Variants in PHACTR2 observed in about 807,000 individuals in gnomAD.
The protein encoded by PHACTR2 is phosphatase and actin regulator 2.
Under a neutral mutation model 76.0 loss-of-function variants are expected in PHACTR2, and 30 were observed. That is an observed-to-expected ratio of 0.39 (90% confidence interval 0.30 to 0.54). PHACTR2 has a LOEUF of 0.54. Ranked by LOEUF, PHACTR2 falls within the 20% of genes least tolerant of loss-of-function variation. The pLI, the probability that PHACTR2 is intolerant of heterozygous loss-of-function variation, is 0.61. For synonymous variants in PHACTR2, 292 were observed against 292.5 expected (o/e 1.00, Z 0.02); for missense variants, 696 against 781.1 (o/e 0.89, Z 1.30).
Position 143,664,544 on chromosome 6 carries a change from A to T in PHACTR2, c.14-47472A>T, listed in dbSNP as rs541359891. ...CCCCTTCTTTTGTTTAGTGATTTGG[A>T]AGCTTATAGTTATATCTTTCTTACT... On this transcript the variant is annotated intron_variant, in intron 1 of 11. Coordinates refer to the PHACTR2 transcript ENST00000305766. The surrounding 1 kb of genome is among the most constrained non-coding windows in gnomAD (Gnocchi z 5.1). Among the ~76,000 whole-genome samples the T allele has an allele frequency of 3.0e-4, 45 of 152,076 alleles. No homozygotes were observed. Among genetic ancestry groups the T allele is most frequent in the African/African-American group, 9.6e-4 (40 of 41,484 alleles).
chr6:143,614,670 G>A (rs954349), intron 1 of PHACTR2, among the ~76,000 whole-genome samples: 85,380 of 151,996 alleles, frequency 0.56, 25,703 homozygotes, highest in Middle Eastern at 0.71. Flanking sequence ...TTCCATAAGT[G>A]TCAGTGCTTG....
intron 1 of PHACTR2, among the ~76,000 whole-genome samples, chr6:143,600,048 T>G (rs1020104964): frequency 6.6e-6 from 1 of 152,256 alleles, no homozygotes; most frequent in Non-Finnish European, 1.5e-5. Flanking sequence ...GTCTGACCCT[T>G]TCTTAAAGTC....
In PHACTR2 at chr6:143,557,435, C is replaced by T. The variant is rs1231697459; in HGVS notation, c.217+20228C>T. 1 of 152,240 alleles carries T rather than the reference C, an allele frequency of 6.6e-6. No homozygotes were observed. The highest frequency in any genetic ancestry group is 2.4e-5 in the African/African-American group (1 of 41,404). The allele number at this position is 152,240 out of a possible 1,614,324, so 9.4% of individuals were successfully genotyped here. A position where few individuals can be genotyped will look rare whatever the true frequency, so the allele number is the denominator to read the frequency against. On this transcript the variant is annotated intron_variant, in intron 1 of 11. Transcript: ENST00000367584. The surrounding 1 kb of genome is among the most constrained non-coding windows in gnomAD (Gnocchi z 5.5). ...CTGCCGTAACCCCATTCGTTGCACT[C>T]CCACATTTGCTGGAACTGGAGCTTT...
chr6:143,608,021 AT>A (rs898668880), upstream of PHACTR2, among the ~76,000 whole-genome samples: 18 of 152,122 alleles, frequency 1.2e-4, no homozygotes, highest in South Asian at 2.1e-4. This position sits in a 1 kb window ranked among gnomAD's most constrained non-coding sequence, Gnocchi z 4.6. Flanking sequence ...CATTGCAGTG[AT>A]TTTTTTCCCC....
At chr6:143,677,498 G>A (rs752492165), upstream of PHACTR2, among the ~76,000 whole-genome samples, 2 of 152,068 alleles carry the variant, frequency 1.3e-5, no homozygotes, top group Admixed American at 6.6e-5. Context: ...GATCTCACAC[G>A]TAGACCTACC....
intron 1 of PHACTR2, among the ~76,000 whole-genome samples, chr6:143,542,985 G>C (rs749997635): frequency 6.6e-6 from 1 of 152,220 alleles, no homozygotes; most frequent in African/African-American, 2.4e-5. Context: ...TATGTGCCAG[G>C]TACTGTTCCA....
rs924892757 is a variant in PHACTR2 at position 143,554,718 on chromosome 6, A to G, written c.217+17511A>G. 1 of 152,210 alleles carries G rather than the reference A, an allele frequency of 6.6e-6. No homozygotes were observed. The highest frequency in any genetic ancestry group is 6.5e-5 in the Admixed American group (1 of 15,278). 9.4% of individuals were successfully genotyped at this position (152,210 alleles called of 1,614,324 possible). On this transcript the variant is annotated intron_variant, in intron 1 of 11. Coordinates refer to the PHACTR2 transcript ENST00000367584. The surrounding 1 kb of genome is among the most constrained non-coding windows in gnomAD (Gnocchi z 5.9). Reference sequence around the variant, plus strand: ...TGGGCCTAGAAGATCCAGGAGCCTGACTAAAGCTTGGTCACTCAAATAATC... The same window carrying G: ...TGGGCCTAGAAGATCCAGGAGCCTGGCTAAAGCTTGGTCACTCAAATAATC...
intron 4 of PHACTR2, among the ~76,000 whole-genome samples, chr6:143,758,085 A>G (rs1293460764): frequency 6.6e-6 from 1 of 152,214 alleles, no homozygotes; most frequent in Non-Finnish European, 1.5e-5. Flanking sequence ...GAGCCAGGAG[A>G]AAGTCTGTTT....
In PHACTR2 at chr6:143,801,820, C is replaced by T. The variant is rs1775961564; in HGVS notation, c.1846-5237C>T. ...TTTCAGCCTTTCTGCCTTGGTTTCT[C>T]CCCATCTTTGTGGTTTTATTTACCT... On this transcript the variant is annotated intron_variant, in intron 11 of 12. Transcript: ENST00000440869. The surrounding 1 kb of genome is among the most constrained non-coding windows in gnomAD (Gnocchi z 4.6). Among the ~76,000 whole-genome samples, 1 of 152,172 alleles carries T rather than the reference C, an allele frequency of 6.6e-6. No individual in the cohort carries two copies. The highest frequency in any genetic ancestry group is 6.6e-5 in the Admixed American group (1 of 15,264).
At chr6:143,568,606 C>A (rs1173824826) in intron 1 of PHACTR2, among the ~76,000 whole-genome samples, 1 of 152,182 alleles carries the variant, frequency 6.6e-6, no homozygotes, top group African/African-American at 2.4e-5. Flanking sequence ...AGAAAGCAAT[C>A]AGTAATGGAA....
At position 143,827,841 on chromosome 6, in the gene PHACTR2, A is replaced by C. The variant is rs1285390999; in HGVS notation, c.*4152A>C. On this transcript the variant is annotated 3_prime_UTR_variant, in exon 13 of 13. Coordinates refer to ENST00000440869, the MANE Select transcript of PHACTR2 (RefSeq NM_001100164.2). The stretch of plus-strand genomic sequence containing the variant: ...GGACAAAGCAGAATGAACTTATATA[A>C]CTAAAATATGTCCTATATTGGCTGG... 6.6e-6 allele frequency: 1 copy of C among 152,116 alleles called. No individual in the cohort carries two copies. The highest frequency in any genetic ancestry group is 2.4e-5 in the African/African-American group (1 of 41,420). The allele number at this position is 152,116 out of a possible 1,614,324, so 9.4% of individuals were successfully genotyped here. A position where few individuals can be genotyped will look rare whatever the true frequency, so the allele number is the denominator to read the frequency against.
upstream of PHACTR2, among the ~76,000 whole-genome samples, chr6:143,604,722 A>G (rs1027782657): frequency 1.3e-5 from 2 of 151,978 alleles, no homozygotes; most frequent in Admixed American, 6.5e-5. Context: ...CTCTACTGAA[A>G]ATACAAAAAT....
At chr6:143,718,703 A>G (rs1043955470) in intron 2 of PHACTR2, among the ~76,000 whole-genome samples, 2 of 152,208 alleles carry the variant, frequency 1.3e-5, no homozygotes, top group Admixed American at 6.5e-5. Context: ...TCTTGTAACC[A>G]TAGAGACCTA....
In PHACTR2 at chr6:143,664,869, G is replaced by A. The variant is rs1175640574; in HGVS notation, c.14-47147G>A. Among the ~76,000 whole-genome samples, 1 of 152,174 alleles carries A rather than the reference G, an allele frequency of 6.6e-6. No homozygotes were observed. Among genetic ancestry groups the A allele is most frequent in the East Asian group, 1.9e-4 (1 of 5,180 alleles). On this transcript the variant is annotated intron_variant, in intron 1 of 11. Transcript: ENST00000305766. This position sits in a 1 kb window ranked among gnomAD's most constrained non-coding sequence, Gnocchi z 5.1. ...GCTGGAGTGCAGTGGTGCAATCTCGGTTCACTGCAACCTCTGCCTCCCTGG... is the reference window on the plus strand; with the variant it reads ...GCTGGAGTGCAGTGGTGCAATCTCGATTCACTGCAACCTCTGCCTCCCTGG...
chr6:143,690,513 G>A (rs1375643316), intron 1 of PHACTR2, among the ~76,000 whole-genome samples: 2 of 152,164 alleles, frequency 1.3e-5, no homozygotes, highest in African/African-American at 4.8e-5. Context: ...ATTAGAACGT[G>A]GCTTTATTCT....
In PHACTR2 at chr6:143,782,925, G is replaced by GT. The variant is rs958480619; in HGVS notation, c.1646-287dup. ...TCATTAGAATATGGGCACTCCTGTG[G>GT]TTTTTTTAAGAATACAACAAGACAT... On this transcript the variant is annotated intron_variant, in intron 9 of 12. Coordinates refer to ENST00000440869, the MANE Select transcript of PHACTR2 (RefSeq NM_001100164.2). This position sits in a 1 kb window ranked among gnomAD's most constrained non-coding sequence, Gnocchi z 4.6. Among the ~76,000 whole-genome samples, 10 of 151,360 alleles carry GT rather than the reference G, an allele frequency of 6.6e-5. No homozygotes were observed. Among genetic ancestry groups the GT allele is most frequent in the African/African-American group, 2.4e-4 (10 of 41,122 alleles).
rs548468888 is a variant in PHACTR2, at chr6:143,608,255, G to T, written c.-55G>T. ...GGACAGGGTGCTTCGTTAGTCAGAAGAGCCAGGGCTTCCCGGCTGCCAGGC... is the reference window on the plus strand; with the variant it reads ...GGACAGGGTGCTTCGTTAGTCAGAATAGCCAGGGCTTCCCGGCTGCCAGGC... On this transcript the variant is annotated 5_prime_UTR_variant, in exon 1 of 12. Transcript: ENST00000305766. This position sits in a 1 kb window ranked among gnomAD's most constrained non-coding sequence, Gnocchi z 4.6. 1.9e-6 allele frequency: 3 copies of T among 1,603,318 alleles called. No individual in the cohort carries two copies. The South Asian group carries it at 3.3e-5, about 18-fold the overall frequency.
rs1006068755 is a variant in PHACTR2 at position 143,695,714 on chromosome 6, T to C, written c.47-16302T>C. Among the ~76,000 whole-genome samples the C allele has an allele frequency of 1.3e-5, 2 of 152,260 alleles. No individual in the cohort carries two copies. The highest frequency in any genetic ancestry group is 4.1e-4 in the South Asian group (2 of 4,832). On this transcript the variant is annotated intron_variant, in intron 1 of 12. Transcript: ENST00000440869. This position sits in a 1 kb window ranked among gnomAD's most constrained non-coding sequence, Gnocchi z 4.4. Reference sequence around the variant, plus strand: ...CATAATCAAGAATCCTCTGGGACTTTGTCATCTACATTGAATTTATAGGTG... The same window carrying C: ...CATAATCAAGAATCCTCTGGGACTTCGTCATCTACATTGAATTTATAGGTG...
intron 5 of PHACTR2, among the ~76,000 whole-genome samples, chr6:143,762,707 G>C (rs1217754270): frequency 6.6e-6 from 1 of 152,188 alleles, no homozygotes; most frequent in African/African-American, 2.4e-5. Context: ...ACAACCATAA[G>C]TTAAGATTCT....
Sources: gnomAD v4.1 joint callset for allele counts (sites outside exome capture counted in the v4.1 genomes callset) on GRCh38, gnomAD v4.1.1 for gene constraint, Gnocchi (gnomAD v3.1) non-coding constraint, MANE v1.5 for transcripts, NCBI Gene and HGNC (gene_info 2026-07-23, HGNC 2026-07-21) for gene names.